The following RBMS1 variants were observed in gnomAD, a reference collection of about 807,000 sequenced individuals.
RBMS1 encodes the protein RNA-binding motif, single-stranded-interacting protein 1.
RBMS1 carries 17 observed loss-of-function variants against 62.3 expected under a neutral mutation model. The ratio of observed to expected loss-of-function variants is 0.27; its 90% CI spans 0.19 to 0.41. The LOEUF is 0.41. RBMS1 is among the 10% of genes least tolerant of loss of function. RBMS1 has a pLI of 1.00. For synonymous variants in RBMS1, 172 were observed against 170.0 expected (o/e 1.01, Z -0.09); for missense variants, 334 against 504.5 (o/e 0.66, Z 3.24).
chr2:160,281,999 C>T (rs1688126847), intron 9 of RBMS1: 16 of 317,358 alleles, frequency 5.0e-5, no homozygotes, highest in South Asian at 4.4e-4. Context: ...AGTAGACCCT[C>T]TGAATTGAGA....
intron 1 of RBMS1, among the ~76,000 whole-genome samples, chr2:160,425,142 G>A (rs1227593580): frequency 1.3e-5 from 2 of 152,188 alleles, no homozygotes; most frequent in East Asian, 1.9e-4. Flanking sequence ...GGGGCAGTGT[G>A]AAGTGAGAGC....
At chr2:160,426,145 T>G (rs1682556309) in intron 1 of RBMS1, among the ~76,000 whole-genome samples, 1 of 151,314 alleles carries the variant, frequency 6.6e-6, no homozygotes, top group African/African-American at 2.4e-5. Context: ...GCAGGCACCA[T>G]GTTCATTTTA....
intron 4 of RBMS1, among the ~76,000 whole-genome samples, chr2:160,305,270 C>T (rs571585111): frequency 2.8e-4 from 42 of 152,334 alleles, no homozygotes; most frequent in African/African-American, 9.9e-4. Flanking sequence ...ACTGACTCAT[C>T]CAGAGCAACT....
chr2:160,455,304 C>T (rs1684172683), intron 1 of RBMS1, among the ~76,000 whole-genome samples: 1 of 152,186 alleles, frequency 6.6e-6, no homozygotes. Context: ...TGTCACACTC[C>T]TCTCTGTTGC....
intron 1 of RBMS1, among the ~76,000 whole-genome samples, chr2:160,456,873 T>C (rs942250911): frequency 1.3e-5 from 2 of 152,126 alleles, no homozygotes; most frequent in African/African-American, 4.8e-5. Flanking sequence ...TCACAAAGTC[T>C]ACTTTGACCT....
intron 3 of RBMS1, 96 bp downstream of exon 3, chr2:160,318,073 T>C (rs1170250053): frequency 2.0e-6 from 3 of 1,521,828 alleles, no homozygotes; most frequent in African/African-American, 1.4e-5. Flanking sequence ...TGGTTTTTAA[T>C]AAAACGAAGG....
intron 1 of RBMS1, among the ~76,000 whole-genome samples, chr2:160,419,505 T>C (rs1269114174): frequency 6.6e-6 from 1 of 152,222 alleles, no homozygotes; most frequent in African/African-American, 2.4e-5. Context: ...TTTCATTCTA[T>C]CATTTAACAT....
chr2:160,313,292 G>C (rs547986209), intron 3 of RBMS1, 45 bp from the exon 4 acceptor site: 1 of 1,579,428 alleles, frequency 6.3e-7, no homozygotes, highest in East Asian at 2.3e-5. Context: ...TTATTCTGTG[G>C]TTAGGTAAAA....
intron 2 of RBMS1, among the ~76,000 whole-genome samples, chr2:160,321,282 C>T (rs142048145): frequency 3.3e-5 from 5 of 151,566 alleles, no homozygotes; most frequent in Non-Finnish European, 7.4e-5. Flanking sequence ...GTGGCAGGTA[C>T]TCCCCCATCT....
chr2:160,300,675 T>C lies in RBMS1; in HGVS notation c.616A>G (p.Ile206Val), dbSNP rs370168109. The C allele has an allele frequency of 5.0e-6, 8 of 1,603,312 alleles. No homozygotes were observed. The African/African-American group carries it at 1.1e-4, about 21-fold the overall frequency. ...CCAGAAACTCCTGGTGGTGTCTTAA[T>C]AAATTTTCCATTAAAATGACCAATA... ...AVIGHFNGKF[I>V]KTPPGVSAPT... The change falls in exon 6 of 14, where the codon ATT (isoleucine) becomes GTT (valine). Residue 206 changes from isoleucine to valine, a missense_variant. By Grantham distance (29) the Ile-to-Val change is conservative. Transcript: ENST00000348849.
At chr2:160,461,439 A>G (rs1350718894) in intron 1 of RBMS1, among the ~76,000 whole-genome samples, 1 of 152,226 alleles carries the variant, frequency 6.6e-6, no homozygotes, top group Non-Finnish European at 1.5e-5. Flanking sequence ...GAAGTTCTTC[A>G]CTTTAATTCC....
intron 2 of RBMS1, among the ~76,000 whole-genome samples, chr2:160,330,514 A>G (rs570179062): frequency 6.6e-6 from 1 of 152,354 alleles, no homozygotes; most frequent in South Asian, 2.1e-4. Flanking sequence ...AAGTCAATAA[A>G]ATAACATTCA....
At chr2:160,437,583 T>C (rs1286519796) in intron 1 of RBMS1, among the ~76,000 whole-genome samples, 1 of 152,228 alleles carries the variant, frequency 6.6e-6, no homozygotes, top group Non-Finnish European at 1.5e-5. Context: ...TCTTGAAATA[T>C]CCGTAGCAAT....
chr2:160,490,001 A>T (rs1000032540), intron 1 of RBMS1, among the ~76,000 whole-genome samples: 1 of 152,140 alleles, frequency 6.6e-6, no homozygotes, highest in African/African-American at 2.4e-5. Context: ...AGTATCTTTG[A>T]AATAAACAGA....
intron 1 of RBMS1, among the ~76,000 whole-genome samples, chr2:160,476,789 C>T (rs955665458): frequency 1.1e-4 from 17 of 151,672 alleles, no homozygotes; most frequent in African/African-American, 2.2e-4. Flanking sequence ...CTCCTGACCT[C>T]GTGATCCGCC....
intron 1 of RBMS1, among the ~76,000 whole-genome samples, chr2:160,465,392 T>C (rs944900704): frequency 1.3e-5 from 2 of 152,208 alleles, no homozygotes; most frequent in East Asian, 1.9e-4. Flanking sequence ...AACTCTAACA[T>C]TGCTCCTGCC....
intron 1 of RBMS1, among the ~76,000 whole-genome samples, chr2:160,407,056 T>A (rs896766276): frequency 3.3e-5 from 5 of 151,866 alleles, no homozygotes; most frequent in Non-Finnish European, 7.4e-5. Flanking sequence ...ACACACGTCT[T>A]CCGGGTTTCC....
intron 1 of RBMS1, among the ~76,000 whole-genome samples, chr2:160,426,592 T>C (rs1308776335): frequency 2.0e-5 from 3 of 152,222 alleles, no homozygotes; most frequent in Non-Finnish European, 4.4e-5. Context: ...AAAAAGTGGA[T>C]ATAGATGTTG....
chr2:160,365,115 G>A (rs1050273791), intron 2 of RBMS1, among the ~76,000 whole-genome samples: 2 of 152,062 alleles, frequency 1.3e-5, no homozygotes, highest in Non-Finnish European at 2.9e-5. Context: ...ATTAAGTTCA[G>A]AACAGGAATG....
Sources: allele counts gnomAD v4.1 joint callset (sites outside exome capture counted in the v4.1 genomes callset), GRCh38; gene constraint gnomAD v4.1.1; transcripts MANE v1.5; gene names NCBI Gene and HGNC (gene_info 2026-07-23, HGNC 2026-07-21).